CEP83: variants seen among roughly 807,000 people sequenced by gnomAD.
CEP83 encodes centrosomal protein 83, also known as centrosomal protein of 83 kDa.
A neutral mutation model predicts 101.9 loss-of-function variants in CEP83; 70 were observed. The observed-to-expected ratio is 0.69, with a 90% CI of 0.57 to 0.84. CEP83 has a LOEUF of 0.84. Among genes scored for constraint, CEP83 ranks in the 40% least tolerant of loss-of-function variants. CEP83 has a pLI of 0.00. For synonymous variants in CEP83, 264 were observed against 267.9 expected (o/e 0.99, Z 0.14); for missense variants, 715 against 787.2 (o/e 0.91, Z 1.10).
At chr12:94,426,015 G>C (rs1020259715) in intron 2 of CEP83, among the ~76,000 whole-genome samples, 1 of 151,828 alleles carries the variant, frequency 6.6e-6, no homozygotes, top group African/African-American at 2.4e-5. Flanking sequence ...CCAGCTACTC[G>C]GGAGGCTGAG....
intron 4 of CEP83, among the ~76,000 whole-genome samples, chr12:94,410,772 T>C (rs1328573195): frequency 6.6e-6 from 1 of 152,218 alleles, no homozygotes; most frequent in Non-Finnish European, 1.5e-5. Flanking sequence ...TATATTTGTA[T>C]ATTTAAATGT....
chr12:94,456,796 AG>A (rs754107889), intron 1 of CEP83, among the ~76,000 whole-genome samples: 6 of 152,192 alleles, frequency 3.9e-5, no homozygotes, highest in Non-Finnish European at 5.9e-5. Context: ...GGGGACACAA[AG>A]CCTAATCATA....
the CEP83 span, chr12:94,301,061 A>G: frequency 6.2e-7 from 1 of 1,613,388 alleles, no homozygotes; most frequent in Non-Finnish European, 8.5e-7. Flanking sequence ...AGGGAAGGTA[A>G]GGCCCAGCTT....
At chr12:94,443,337 A>G (rs141672325) in intron 1 of CEP83, among the ~76,000 whole-genome samples, 1 of 152,186 alleles carries the variant, frequency 6.6e-6, no homozygotes, top group African/African-American at 2.4e-5. Context: ...TAATCCACAA[A>G]TCACAGAGTC....
intron 11 of CEP83, among the ~76,000 whole-genome samples, chr12:94,346,888 C>T (rs1002141422): frequency 6.6e-6 from 1 of 151,950 alleles, no homozygotes; most frequent in Non-Finnish European, 1.5e-5. Flanking sequence ...AAATATAAAA[C>T]TTAGCCAGGC....
intron 2 of CEP83, chr12:94,424,510 C>T: frequency 6.2e-7 from 1 of 1,613,738 alleles, no homozygotes; most frequent in Non-Finnish European, 8.5e-7. Flanking sequence ...GCTTCAGCAT[C>T]CCCTCCAGTT....
chr12:94,331,923 T>G, intron 13 of CEP83, 94 bp from the exon 14 acceptor site: 1 of 1,141,464 alleles, frequency 8.8e-7, no homozygotes, highest in South Asian at 1.4e-5. Flanking sequence ...ACTACCTGTC[T>G]GACCACATTC....
downstream of CEP83, chr12:94,303,855 T>G (rs773809246): frequency 5.6e-6 from 9 of 1,608,834 alleles, no homozygotes; most frequent in Admixed American, 1.2e-4. Context: ...GCCTCCATTG[T>G]CATCCTCAGA....
At chr12:94,290,483 C>T in the CEP83 span, among the ~76,000 whole-genome samples, 159 of 152,366 alleles carry the variant, frequency 1.0e-3, no homozygotes, top group African/African-American at 3.3e-3. Flanking sequence ...TTTGCAGAGG[C>T]CTGATGGCCC....
At chr12:94,422,585 A>G (rs184878961) in intron 2 of CEP83, among the ~76,000 whole-genome samples, 9 of 152,218 alleles carry the variant, frequency 5.9e-5, no homozygotes, top group Non-Finnish European at 1.0e-4. Context: ...AAACAGTCCC[A>G]TCACTCCAGA....
At chr12:94,394,030 G>A (rs1378257941) in intron 6 of CEP83, among the ~76,000 whole-genome samples, 6 of 152,132 alleles carry the variant, frequency 3.9e-5, no homozygotes, top group Non-Finnish European at 5.9e-5. Context: ...AATCAATATC[G>A]TGAAAATGGC....
chr12:94,304,264 G>C, downstream of CEP83: 1 of 427,576 alleles, frequency 2.3e-6, no homozygotes, highest in Non-Finnish European at 4.2e-6. Flanking sequence ...ATTTGGACCA[G>C]CCTGAATTTA....
intron 1 of CEP83, among the ~76,000 whole-genome samples, chr12:94,448,248 A>G (rs1169318404): frequency 1.4e-4 from 21 of 152,334 alleles, no homozygotes; most frequent in Admixed American, 6.5e-5. Context: ...CAGGGTCACT[A>G]TATCAGGAAG....
chr12:94,395,159 G>T (rs1271749356), intron 6 of CEP83, among the ~76,000 whole-genome samples: 1 of 151,784 alleles, frequency 6.6e-6, no homozygotes, highest in East Asian at 1.9e-4. Flanking sequence ...CTACTATAAA[G>T]ACACATCACA....
At chr12:94,354,387 T>A in intron 11 of CEP83, among the ~76,000 whole-genome samples, 1 of 152,042 alleles carries the variant, frequency 6.6e-6, no homozygotes, top group Non-Finnish European at 1.5e-5. Flanking sequence ...GGTTTCACCA[T>A]TTTGGCCAGG....
At chr12:94,274,004 C>T in the CEP83 span, among the ~76,000 whole-genome samples, 161 of 151,978 alleles carry the variant, frequency 1.1e-3, 3 homozygotes, top group Admixed American at 2.0e-3. Context: ...CCGCTCCAAG[C>T]GCTACTCCCC....
chr12:94,370,414 T>C (rs1197425795), intron 8 of CEP83, among the ~76,000 whole-genome samples: 1 of 152,188 alleles, frequency 6.6e-6, no homozygotes, highest in Admixed American at 6.5e-5. Context: ...TGCTATGTCA[T>C]CCAGGCTGGA....
the CEP83 span, among the ~76,000 whole-genome samples, chr12:94,291,291 A>T: frequency 1.3e-5 from 2 of 152,248 alleles, no homozygotes; most frequent in Non-Finnish European, 2.9e-5. Context: ...GCTGGAGTGC[A>T]GTGGCACAAT....
intron 1 of CEP83, among the ~76,000 whole-genome samples, chr12:94,452,190 A>T (rs763829866): frequency 6.6e-6 from 1 of 152,144 alleles, no homozygotes; most frequent in Non-Finnish European, 1.5e-5. Flanking sequence ...TGTGGGAAGG[A>T]GTTACCTTAA....
Sources: gnomAD v4.1 joint callset for allele counts (sites outside exome capture counted in the v4.1 genomes callset) on GRCh38, gnomAD v4.1.1 for gene constraint, MANE v1.5 for transcripts, NCBI Gene and HGNC (gene_info 2026-07-23, HGNC 2026-07-21) for gene names.